The following FBXO38 variants were observed in gnomAD, a reference collection of about 807,000 sequenced individuals.
The protein encoded by FBXO38 is F-box protein 38.
A neutral mutation model predicts 131.9 loss-of-function variants in FBXO38; 53 were observed. That is an observed-to-expected ratio of 0.40 (90% CI 0.32 to 0.51). The LOEUF (loss-of-function observed/expected upper bound fraction) is 0.51, where lower values mean the gene tolerates loss of function less well. FBXO38 is among the 20% of genes least tolerant of loss of function. The pLI is 0.53. For missense variants in FBXO38, 1,076 were observed against 1,475.6 expected (o/e 0.73, Z 4.44); for synonymous variants, 452 against 505.6 (o/e 0.89, Z 1.42).
rs766913395 is a variant in FBXO38 at position 148,424,031 on chromosome 5, A to T, written c.1652A>T (p.Asp551Val). The change falls in exon 13 of 22, where the codon GAT (aspartate) becomes GTT (valine). Residue 551 changes from aspartate to valine, a missense_variant. Asp to Val is a radical substitution (Grantham distance 152). Coordinates refer to ENST00000340253, the MANE Select transcript of FBXO38 (RefSeq NM_205836.3). Reference sequence around the variant, plus strand: ...GAGATGGAAGACATCGTCCAAGAAGATGGAGAGGTGGTGGCCGAGAGTGGA... The same window carrying T: ...GAGATGGAAGACATCGTCCAAGAAGTTGGAGAGGTGGTGGCCGAGAGTGGA... ...LNEMEDIVQE[D>V]GEVVAESGNN... 6.2e-7 allele frequency: 1 copy of T among 1,613,454 alleles called. No homozygotes were observed. The highest frequency in any genetic ancestry group is 8.5e-7 in the Non-Finnish European group (1 of 1,179,638).
At chr5:148,402,697 A>C (rs1229882245) in intron 5 of FBXO38, 184 bp downstream of exon 5, 4 of 476,944 alleles carry the variant, frequency 8.4e-6, no homozygotes, top group Non-Finnish European at 1.5e-5. Flanking sequence ...TGTGAGGGAA[A>C]TACTGCTTCA....
chr5:148,431,009 C>T (rs1412899104), intron 15 of FBXO38, among the ~76,000 whole-genome samples: 1 of 152,222 alleles, frequency 6.6e-6, no homozygotes, highest in Non-Finnish European at 1.5e-5. Context: ...GCATCTTCAA[C>T]ATTAATGTGA....
chr5:148,432,954 T>C (rs916909999), intron 15 of FBXO38, among the ~76,000 whole-genome samples: 2 of 152,340 alleles, frequency 1.3e-5, no homozygotes, highest in African/African-American at 2.4e-5. Context: ...CAGAAGGAGC[T>C]AGAGCAATTG....
chr5:148,397,958 C>T (rs1176256345), intron 2 of FBXO38, among the ~76,000 whole-genome samples: 1 of 152,034 alleles, frequency 6.6e-6, no homozygotes, highest in Non-Finnish European at 1.5e-5. Context: ...GTTTAGGGAA[C>T]AAGTAAGGGA....
chr5:148,392,629 T>C (rs574781695), intron 1 of FBXO38, among the ~76,000 whole-genome samples: 1 of 140,752 alleles, frequency 7.1e-6, no homozygotes, highest in Non-Finnish European at 1.5e-5. Context: ...GTATTTGTAA[T>C]AGCTAAATCC....
At position 148,442,219 on chromosome 5, in the gene FBXO38, A is replaced by G. The variant is rs913895295; in HGVS notation, c.*72A>G. 3.0e-5 allele frequency: 43 copies of G among 1,433,940 alleles called. No homozygotes were observed. In the East Asian group the frequency reaches 6.6e-4, roughly 22 times the overall value. The allele number at this position is 1,433,940 out of a possible 1,614,324, so 88.8% of individuals were successfully genotyped here. A position where few individuals can be genotyped will look rare whatever the true frequency, so the allele number is the denominator to read the frequency against. ...CCATCCAGCTGCCAGAGTGCTCCAC[A>G]GGGACTTGAGGCATGCAGTTGGGAG... is the stretch of plus-strand genomic sequence containing the variant. On this transcript the variant is annotated 3_prime_UTR_variant, in exon 22 of 22. Transcript: ENST00000340253.
rs759432206 is a variant in FBXO38, at chr5:148,410,611, T to G, written c.963-24T>G. ...TCTGATGGTTTTTGTTTTACTCTGA[T>G]ATGTTCTCTGTCTTTATTCACAGGT... On this transcript the variant is annotated intron_variant, in intron 8 of 21. Transcript: ENST00000340253. 47 of 1,613,434 alleles carry G rather than the reference T, an allele frequency of 2.9e-5. 1 individual carries two copies. The highest frequency in any genetic ancestry group is 2.5e-4 in the East Asian group (11 of 44,860).
chr5:148,394,955 C>G lies in FBXO38; in HGVS notation c.128+51C>G. 3 of 1,469,354 alleles carry G rather than the reference C, an allele frequency of 2.0e-6. No individual in the cohort carries two copies. In the African/African-American group the frequency reaches 4.3e-5, roughly 21 times the overall value. The allele number at this position is 1,469,354 out of a possible 1,614,324, so 91.0% of individuals were successfully genotyped here. On this transcript the variant is annotated intron_variant, in intron 2 of 21. Coordinates refer to ENST00000340253, the MANE Select transcript of FBXO38 (RefSeq NM_205836.3). ...CTGCCTGGAATGGATAAGAGCAAAC[C>G]CTGAGGCAGTGCTGTCTAATGTGGT...
At chr5:148,421,207 G>A (rs1446073811) in intron 12 of FBXO38, among the ~76,000 whole-genome samples, 5 of 151,940 alleles carry the variant, frequency 3.3e-5, no homozygotes, top group Admixed American at 2.6e-4. Flanking sequence ...CTCACGATCC[G>A]CCCACCCTGG....
In FBXO38 at chr5:148,414,313, C is replaced by T. The variant is rs748117269; in HGVS notation, c.1264+7C>T. On this transcript the variant is annotated splice_region_variant and intron_variant, in intron 10 of 21. Transcript: ENST00000340253. ...CCATACAATTGGATCTCAGGTATTACAGACTTAAAAATACAGCTATGTTTT... is the reference window on the plus strand; with the variant it reads ...CCATACAATTGGATCTCAGGTATTATAGACTTAAAAATACAGCTATGTTTT... The T allele has an allele frequency of 1.3e-6, 2 of 1,581,470 alleles. No individual in the cohort carries two copies. The highest frequency in any genetic ancestry group is 1.9e-5 in the Admixed American group (1 of 53,942).
At chr5:148,406,225 T>G in intron 6 of FBXO38, 32 bp from the exon 7 acceptor site, 1 of 1,537,048 alleles carries the variant, frequency 6.5e-7, no homozygotes, top group Non-Finnish European at 8.7e-7. Context: ...GCACTTTACA[T>G]TGTTCTATCA....
chr5:148,414,240 T>G lies in FBXO38; in HGVS notation c.1198T>G (p.Ser400Ala). 1 of 1,612,918 alleles carries G rather than the reference T, an allele frequency of 6.2e-7. No individual in the cohort carries two copies. Among genetic ancestry groups the G allele is most frequent in the Non-Finnish European group, 8.5e-7 (1 of 1,179,442 alleles). The stretch of plus-strand genomic sequence containing the variant: ...GATGAAAGCAGTCAATGAAGTTTTT[T>G]CCTGTATCAAATATCTGGCAATTTA... ...IGMKAVNEVF[S>A]CIKYLAIYNC... The change falls in exon 10 of 22, where the codon TCC becomes GCC. Residue 400 changes from serine (S) to alanine (A), a missense_variant. Coordinates refer to ENST00000340253, the MANE Select transcript of FBXO38 (RefSeq NM_205836.3).
At chr5:148,441,319 TAGG>T in intron 21 of FBXO38, 82 bp downstream of exon 21, 1 of 989,384 alleles carries the variant, frequency 1.0e-6, no homozygotes, top group Non-Finnish European at 1.6e-6. Context: ...TTTTGTGAGT[TAGG>T]AGCAGTGCAG....
At position 148,394,757 on chromosome 5, in the gene FBXO38, A is replaced by G. The variant is rs1443603669; in HGVS notation, c.-20A>G. The stretch of plus-strand genomic sequence containing the variant: ...AACAAAAGGGAAGATTTTCTCGTTG[A>G]TACTGGAGACTGCACAACAATGGGG... On this transcript the variant is annotated 5_prime_UTR_variant, in exon 2 of 22. Coordinates refer to ENST00000340253, the MANE Select transcript of FBXO38 (RefSeq NM_205836.3). 2 of 1,522,378 alleles carry G rather than the reference A, an allele frequency of 1.3e-6. No homozygotes were observed. Among genetic ancestry groups the G allele is most frequent in the Admixed American group, 2.2e-5 (1 of 46,378 alleles). The allele number at this position is 1,522,378 out of a possible 1,614,324, so 94.3% of individuals were successfully genotyped here.
chr5:148,427,861 A>G lies in FBXO38; in HGVS notation c.2567A>G (p.Asp856Gly). ...RRGSSQPESC[D>G]VQSNEDYPRR... ...GGGAGCTCCCAGCCTGAGAGTTGTG[A>G]CGTGCAGTCTAATGAAGACTACCCT... is the stretch of plus-strand genomic sequence containing the variant. The change falls in exon 15 of 22, where the codon GAC (aspartate) becomes GGC (glycine). Residue 856 changes from aspartate to glycine, a missense_variant. Physicochemically the swap from Asp to Gly is moderately conservative, Grantham distance 94. This residue lies in a region of FBXO38 where 213 missense variants were observed against 225.2 expected (regional missense o/e 0.95). Coordinates refer to ENST00000340253, the MANE Select transcript of FBXO38 (RefSeq NM_205836.3). 1 of 1,588,596 alleles carries G rather than the reference A, an allele frequency of 6.3e-7. No individual in the cohort carries two copies. The highest frequency in any genetic ancestry group is 1.7e-5 in the Admixed American group (1 of 57,356).
At chr5:148,436,436 C>T (rs1754352836) in intron 17 of FBXO38, among the ~76,000 whole-genome samples, 1 of 152,164 alleles carries the variant, frequency 6.6e-6, no homozygotes, top group Non-Finnish European at 1.5e-5. Context: ...AGGAAATATT[C>T]ATTGGAGCAG....
chr5:148,415,633 A>G (rs1753007657), intron 10 of FBXO38, among the ~76,000 whole-genome samples: 1 of 152,084 alleles, frequency 6.6e-6, no homozygotes, highest in African/African-American at 2.4e-5. Context: ...AATATGCCAT[A>G]ATTTTTTAAT....
At chr5:148,422,581 A>C (rs1340308938) in intron 12 of FBXO38, among the ~76,000 whole-genome samples, 1 of 152,146 alleles carries the variant, frequency 6.6e-6, no homozygotes, top group Non-Finnish European at 1.5e-5. Context: ...GGGATCTTGA[A>C]TTTCACCACT....
Position 148,442,264 on chromosome 5 carries a change from T to C in FBXO38, c.*117T>C. On this transcript the variant is annotated 3_prime_UTR_variant, in exon 22 of 22. Transcript: ENST00000340253. ...TGGGAGGTCCTGGCTCGGTTTGCTA[T>C]ATAGGGAATATATAAGGAACATCGA... 4 of 781,432 alleles carry C rather than the reference T, an allele frequency of 5.1e-6. No individual in the cohort carries two copies. Among genetic ancestry groups the C allele is most frequent in the Non-Finnish European group, 8.4e-6 (4 of 477,556 alleles). The allele number at this position is 781,432 out of a possible 1,614,324, so 48.4% of individuals were successfully genotyped here. A position where few individuals can be genotyped will look rare whatever the true frequency, so the allele number is the denominator to read the frequency against.
Sources: allele counts gnomAD v4.1 joint callset (sites outside exome capture counted in the v4.1 genomes callset), GRCh38; gene constraint gnomAD v4.1.1; regional missense constraint gnomAD v4.1.1; transcripts MANE v1.5; gene names NCBI Gene and HGNC (gene_info 2026-07-23, HGNC 2026-07-21).